The following MTX2 variants were observed in gnomAD, a reference collection of about 807,000 sequenced individuals.
MTX2 encodes metaxin 2, also known as metaxin-2.
MTX2 carries 35 observed loss-of-function variants against 42.3 expected under a neutral mutation model. That is an observed-to-expected ratio of 0.83 (90% CI 0.63 to 1.10). The LOEUF (loss-of-function observed/expected upper bound fraction) is 1.10, where lower values mean the gene tolerates loss of function less well. Ranked by LOEUF, MTX2 falls within the 50% of genes least tolerant of loss-of-function variation. MTX2 has a pLI of 0.00. For missense variants in MTX2, 307 were observed against 304.1 expected, an observed-to-expected ratio of 1.01 and a Z score of -0.07; for synonymous variants, 119 against 100.9, an observed-to-expected ratio of 1.18 and a Z score of -1.08.
At chr2:176,329,877 TTGTC>T (rs976774158) in intron 8 of MTX2, among the ~76,000 whole-genome samples, 1 of 104,454 alleles carries the variant, frequency 9.6e-6, no homozygotes, top group African/African-American at 3.6e-5. Flanking sequence ...ATACAGTACT[TTGTC>T]CGTCTGTCTG....
At chr2:176,308,512 A>T (rs1355874255) in intron 3 of MTX2, among the ~76,000 whole-genome samples, 1 of 152,136 alleles carries the variant, frequency 6.6e-6, no homozygotes, top group African/African-American at 2.4e-5. Context: ...CTGTGAATCC[A>T]TCTGGTCCTG....
chr2:176,305,805 G>A (rs1684128872), intron 3 of MTX2, among the ~76,000 whole-genome samples: 1 of 152,052 alleles, frequency 6.6e-6, no homozygotes, highest in Non-Finnish European at 1.5e-5. Flanking sequence ...GAAGTGATAT[G>A]TCTTCAAATG....
chr2:176,283,135 G>T (rs1291439925), intron 1 of MTX2, among the ~76,000 whole-genome samples: 1 of 151,934 alleles, frequency 6.6e-6, no homozygotes, highest in Non-Finnish European at 1.5e-5. Flanking sequence ...GAATTGGGAG[G>T]GGAAGCCAGG....
At chr2:176,331,102 A>G (rs914170678) in intron 9 of MTX2, among the ~76,000 whole-genome samples, 5 of 151,378 alleles carry the variant, frequency 3.3e-5, no homozygotes, top group Middle Eastern at 6.8e-3. Flanking sequence ...TTGATGGACA[A>G]GCACTATTAT....
At chr2:176,326,474 T>G (rs2105442565) in intron 4 of MTX2, among the ~76,000 whole-genome samples, 1 of 151,842 alleles carries the variant, frequency 6.6e-6, no homozygotes, top group East Asian at 1.9e-4. Flanking sequence ...ATATCAGTGG[T>G]CATGTACCAG....
chr2:176,292,057 G>A (rs550741835), intron 1 of MTX2, among the ~76,000 whole-genome samples: 1 of 152,186 alleles, frequency 6.6e-6, no homozygotes, highest in East Asian at 1.9e-4. Context: ...TACTTTTGAT[G>A]TGGTGAGAAT....
chr2:176,298,219 A>G (rs1040719776), intron 3 of MTX2, among the ~76,000 whole-genome samples: 1 of 151,722 alleles, frequency 6.6e-6, no homozygotes, highest in African/African-American at 2.4e-5. Flanking sequence ...ATTTGGGGTG[A>G]TATGTTCATT....
intron 9 of MTX2, among the ~76,000 whole-genome samples, chr2:176,334,336 G>A (rs1215498471): frequency 6.6e-6 from 1 of 151,786 alleles, no homozygotes; most frequent in African/African-American, 2.4e-5. Flanking sequence ...CACTAAACAA[G>A]GATTAGGAAA....
intron 1 of MTX2, among the ~76,000 whole-genome samples, chr2:176,284,888 G>T (rs1693159568): frequency 6.6e-6 from 1 of 152,178 alleles, no homozygotes. Flanking sequence ...GATTTACCAG[G>T]ATTGCTTGTT....
chr2:176,280,264 T>G (rs1031951755), intron 1 of MTX2, among the ~76,000 whole-genome samples: 7 of 151,652 alleles, frequency 4.6e-5, no homozygotes, highest in African/African-American at 1.7e-4. Flanking sequence ...GTAGGGAAAG[T>G]GCAAGTGTCA....
At chr2:176,279,883 G>A (rs1435355152) in intron 1 of MTX2, among the ~76,000 whole-genome samples, 1 of 152,130 alleles carries the variant, frequency 6.6e-6, no homozygotes, top group Non-Finnish European at 1.5e-5. Flanking sequence ...CGGTGCTAAT[G>A]TGTGAGAAAT....
At chr2:176,282,134 T>TGTTTTTTTTTTTTTTG (rs1163365846) in intron 1 of MTX2, among the ~76,000 whole-genome samples, 1 of 134,348 alleles carries the variant, frequency 7.4e-6, no homozygotes, top group Admixed American at 7.6e-5. Context: ...TAGTTTTTTT[T>TGTTTTTTTTTTTTTTG]TTTTTTTTTT....
At position 176,337,525 on chromosome 2, in the gene MTX2, A is replaced by G; in HGVS notation, c.653A>G (p.His218Arg). The G allele has an allele frequency of 5.0e-6, 8 of 1,610,796 alleles. No homozygotes were observed. The highest frequency in any genetic ancestry group is 6.8e-6 in the Non-Finnish European group (8 of 1,178,442). Residue 218 changes from histidine (H) to arginine (R), a missense_variant, in exon 10 of 10, where the codon CAT (histidine) becomes CGT (arginine). Physicochemically the swap from His to Arg is conservative, Grantham distance 29. Coordinates refer to ENST00000249442, the MANE Select transcript of MTX2 (RefSeq NM_006554.5). ...GAACTTGACGCACTGGTATTTGGCC[A>G]TCTATACACCATTCTTACCACACAA... ...PTELDALVFG[H>R]LYTILTTQLT...
intron 6 of MTX2, 75 bp from the exon 7 acceptor site, chr2:176,328,799 T>A: frequency 6.8e-7 from 1 of 1,477,720 alleles, no homozygotes; most frequent in South Asian, 1.2e-5. Context: ...AAAAATTGCC[T>A]TGGCAAAAAA....
intron 5 of MTX2, 152 bp from the exon 6 acceptor site, chr2:176,328,141 A>G: frequency 2.4e-6 from 1 of 413,116 alleles, no homozygotes; most frequent in South Asian, 5.2e-5. Context: ...GCAGAGTATT[A>G]TTTATGCTTT....
chr2:176,292,655 C>T (rs16863670), intron 1 of MTX2, among the ~76,000 whole-genome samples: 2,008 of 152,212 alleles, frequency 0.013, 40 homozygotes, highest in African/African-American at 0.044. Flanking sequence ...ATGATACCTG[C>T]GTGATTGATT....
In MTX2 at chr2:176,269,530, G is replaced by T. The variant is rs1247364219; in HGVS notation, c.-100G>T. The T allele has an allele frequency of 1.5e-6, 2 of 1,316,938 alleles. No homozygotes were observed. Among genetic ancestry groups the T allele is most frequent in the East Asian group, 2.8e-5 (1 of 35,476 alleles). The allele number at this position is 1,316,938 out of a possible 1,614,324, so 81.6% of individuals were successfully genotyped here. On this transcript the variant is annotated 5_prime_UTR_variant, in exon 1 of 10. Coordinates refer to ENST00000249442, the MANE Select transcript of MTX2 (RefSeq NM_006554.5). ...GGGCTTTGCGAGTCTGAACGTTGGCGGGGCTAGGCTCGTTAACTGCCGAGA... is the reference window on the plus strand; with the variant it reads ...GGGCTTTGCGAGTCTGAACGTTGGCTGGGCTAGGCTCGTTAACTGCCGAGA...
chr2:176,276,503 G>C (rs1692949056), intron 1 of MTX2, among the ~76,000 whole-genome samples: 1 of 152,110 alleles, frequency 6.6e-6, no homozygotes, highest in African/African-American at 2.4e-5. Flanking sequence ...TGGAGTAAGA[G>C]CTGGAGTAAG....
At chr2:176,320,348 C>T (rs936149477) in intron 3 of MTX2, among the ~76,000 whole-genome samples, 1 of 152,106 alleles carries the variant, frequency 6.6e-6, no homozygotes, top group Non-Finnish European at 1.5e-5. Context: ...ATAGTTACCA[C>T]TACGCATGTA....
Sources: gnomAD v4.1 joint callset for allele counts (sites outside exome capture counted in the v4.1 genomes callset) on GRCh38, gnomAD v4.1.1 for gene constraint, MANE v1.5 for transcripts, NCBI Gene and HGNC (gene_info 2026-07-23, HGNC 2026-07-21) for gene names.